ADGRG2: variants seen among roughly 807,000 people sequenced by gnomAD.
ADGRG2 encodes the protein G protein-coupled receptor 64.
In ADGRG2, 26 loss-of-function variants were observed where a neutral mutation model predicts 74.1. The observed-to-expected ratio is 0.35, with a 90% CI of 0.26 to 0.49. ADGRG2 has a LOEUF of 0.49. ADGRG2 is among the 20% of genes least tolerant of loss of function. The pLI is 0.99. For synonymous variants in ADGRG2, 296 were observed against 295.2 expected, an observed-to-expected ratio of 1.00 and a Z score of -0.03; for missense variants, 619 against 763.1, an observed-to-expected ratio of 0.81 and a Z score of 2.22.
At chrX:19,078,504 C>T (rs915238984) in intron 2 of ADGRG2, among the ~76,000 whole-genome samples, 10 of 111,224 alleles carry the variant, frequency 9.0e-5, no homozygotes, top group African/African-American at 3.3e-4. Flanking sequence ...CTGTAGTGAA[C>T]CATGATCACG....
At position 19,010,682 on chromosome X, in the gene ADGRG2, C is replaced by G. The variant is rs769854748; in HGVS notation, c.1196G>C (p.Gly399Ala). Reference protein sequence around the residue: ...SLGSLEPNLAGEMINQVSRLL... With the variant: ...SLGSLEPNLAAEMINQVSRLL... ...TCTGCTGACTTGGTTGATCATTTCTCCTGCGAGGTTAGGCTCCAGGCTGCC... is the reference window on the plus strand; with the variant it reads ...TCTGCTGACTTGGTTGATCATTTCTGCTGCGAGGTTAGGCTCCAGGCTGCC... Residue 399 changes from glycine to alanine, a missense_variant, in exon 17 of 29, where the codon GGA becomes GCA. Physicochemically the swap from Gly to Ala is moderately conservative, Grantham distance 60. This residue lies in a region of ADGRG2 where 292 missense variants were observed against 318.0 expected (regional missense o/e 0.92). Transcript: ENST00000379869. The G allele has an allele frequency of 1.7e-6, 2 of 1,208,001 alleles. No homozygotes were observed. The highest frequency in any genetic ancestry group is 5.9e-5 in the East Asian group (2 of 33,749).
At chrX:19,082,350 A>G (rs763714836) in intron 2 of ADGRG2, among the ~76,000 whole-genome samples, 1 of 111,282 alleles carries the variant, frequency 9.0e-6, no homozygotes, top group Non-Finnish European at 1.9e-5. Flanking sequence ...AAAACAGTGA[A>G]ACAGAATCCC....
chrX:19,031,048 A>G lies in ADGRG2; in HGVS notation c.305-11T>C. 1 of 1,166,632 alleles carries G rather than the reference A, an allele frequency of 8.6e-7. No homozygotes were observed. Among genetic ancestry groups the G allele is most frequent in the Non-Finnish European group, 1.2e-6 (1 of 854,686 alleles). The stretch of plus-strand genomic sequence containing the variant: ...TCTGGGGTTTGACGCCTGCAAAGAA[A>G]ACACAACCCAGCTGGTTAAGCATGT... On this transcript the variant is annotated splice_polypyrimidine_tract_variant and intron_variant, in intron 8 of 28. Coordinates refer to ENST00000379869, the MANE Select transcript of ADGRG2 (RefSeq NM_001079858.3).
intron 20 of ADGRG2, 95 bp from the exon 21 acceptor site, chrX:19,006,360 G>GT (rs972426265): frequency 7.6e-5 from 47 of 622,066 alleles, no homozygotes; most frequent in African/African-American, 7.1e-4. Context: ...AAAAACTGTG[G>GT]TTTTTTTTAA....
At chrX:19,008,897 G>A (rs2146558769) in intron 18 of ADGRG2, among the ~76,000 whole-genome samples, 1 of 111,490 alleles carries the variant, frequency 9.0e-6, no homozygotes, top group South Asian at 3.8e-4. Context: ...GCGAGACTTG[G>A]TTTCCTTGGG....
intron 28 of ADGRG2, among the ~76,000 whole-genome samples, chrX:18,991,847 A>G (rs1164677153): frequency 8.9e-6 from 1 of 112,339 alleles, no homozygotes; most frequent in Non-Finnish European, 1.9e-5. Context: ...ATAGTTCATG[A>G]CATGATTATG....
chrX:19,071,367 T>C (rs1458128774), intron 2 of ADGRG2, among the ~76,000 whole-genome samples: 1 of 112,281 alleles, frequency 8.9e-6, no homozygotes, highest in Non-Finnish European at 1.9e-5. Flanking sequence ...GTTATTGATC[T>C]TCCCAAAGGA....
intron 25 of ADGRG2, 100 bp from the exon 26 acceptor site, chrX:18,999,379 T>C (rs999234245): frequency 3.5e-5 from 25 of 715,568 alleles, no homozygotes; most frequent in Non-Finnish European, 5.0e-5. Flanking sequence ...ACTGAAACAT[T>C]TTCTACCAGT....
intron 8 of ADGRG2, chrX:19,032,967 G>T: frequency 8.9e-6 from 1 of 112,201 alleles, no homozygotes; most frequent in Non-Finnish European, 1.9e-5. Context: ...GCTCAGGCCT[G>T]TAATCCTAGC....
intron 7 of ADGRG2, 120 bp downstream of exon 7, chrX:19,035,822 G>C (rs916560950): frequency 5.9e-5 from 24 of 404,580 alleles, no homozygotes; most frequent in Non-Finnish European, 8.7e-5. Context: ...ATGGTTGAAG[G>C]CACAGGAAAA....
intron 11 of ADGRG2, among the ~76,000 whole-genome samples, chrX:19,026,495 CTT>C (rs781304544): frequency 9.5e-5 from 9 of 94,958 alleles, no homozygotes; most frequent in Admixed American, 1.1e-4. Flanking sequence ...ACTGGGGGCA[CTT>C]TTTTTTTTTT....
intron 6 of ADGRG2, among the ~76,000 whole-genome samples, chrX:19,036,561 A>T (rs1239944459): frequency 9.2e-6 from 1 of 109,155 alleles, no homozygotes; most frequent in Non-Finnish European, 1.9e-5. Context: ...AGAATTTATG[A>T]TTCTGGATGA....
At chrX:19,001,316 A>G (rs1401131277) in intron 24 of ADGRG2, among the ~76,000 whole-genome samples, 3 of 110,507 alleles carry the variant, frequency 2.7e-5, no homozygotes, top group South Asian at 3.9e-4. Flanking sequence ...ACTGCACACC[A>G]TCACCCGCCA....
intron 9 of ADGRG2, among the ~76,000 whole-genome samples, chrX:19,030,165 T>C (rs2060795623): frequency 8.9e-6 from 1 of 112,404 alleles, no homozygotes; most frequent in African/African-American, 3.2e-5. Context: ...CCTGTAATGA[T>C]TGCTTATTAC....
chrX:18,996,033 AG>A lies in ADGRG2; in HGVS notation c.2716+17del. 2 of 844,919 alleles carry A rather than the reference AG, an allele frequency of 2.4e-6. No individual in the cohort carries two copies. Among genetic ancestry groups the A allele is most frequent in the Non-Finnish European group, 3.5e-6 (2 of 564,183 alleles). 69.6% of individuals were successfully genotyped at this position (844,919 alleles called of 1,213,427 possible). ...CTTGAGATTTAAGAGGAAGAGAAAAAGTGAGGTAAATCTTTACCAGAATTTT... is the reference window on the plus strand; with the variant it reads ...CTTGAGATTTAAGAGGAAGAGAAAAATGAGGTAAATCTTTACCAGAATTTT... On this transcript the variant is annotated intron_variant, in intron 27 of 28. Coordinates refer to ENST00000379869, the MANE Select transcript of ADGRG2 (RefSeq NM_001079858.3).
At chrX:19,040,084 G>A (rs1433435964) in intron 4 of ADGRG2, 105 bp downstream of exon 4, 4 of 574,393 alleles carry the variant, frequency 7.0e-6, no homozygotes, top group Non-Finnish European at 1.2e-5. Flanking sequence ...TAAGCTTCTT[G>A]GAGGAAAACA....
intron 3 of ADGRG2, among the ~76,000 whole-genome samples, chrX:19,049,544 C>T (rs1198596132): frequency 1.9e-5 from 2 of 107,870 alleles, no homozygotes; most frequent in Non-Finnish European, 3.8e-5. Flanking sequence ...CCTAGGCAAG[C>T]TTCTCCAACC....
At chrX:19,111,321 G>A (rs2062408449) in intron 1 of ADGRG2, among the ~76,000 whole-genome samples, 1 of 111,237 alleles carries the variant, frequency 9.0e-6, no homozygotes, top group South Asian at 3.8e-4. Flanking sequence ...GCATCTAGAT[G>A]GAATGGAAAG....
At chrX:19,039,290 G>T in intron 4 of ADGRG2, 2 of 331,295 alleles carry the variant, frequency 6.0e-6, no homozygotes, top group Non-Finnish European at 1.2e-5. Context: ...TCTATAACAC[G>T]AATATTTCCT....
Sources: allele counts gnomAD v4.1 joint callset (sites outside exome capture counted in the v4.1 genomes callset), GRCh38; gene constraint gnomAD v4.1.1; regional missense constraint gnomAD v4.1.1; transcripts MANE v1.5; gene names NCBI Gene and HGNC (gene_info 2026-07-23, HGNC 2026-07-21).